The following TNFRSF10A variants were observed in gnomAD, a reference collection of about 807,000 sequenced individuals.
TNFRSF10A encodes the protein tumor necrosis factor receptor superfamily member 10A.
In TNFRSF10A, 44 loss-of-function variants were observed where a neutral mutation model predicts 42.8. The ratio of observed to expected loss-of-function variants is 1.03; its 90% CI spans 0.81 to 1.32. The LOEUF (loss-of-function observed/expected upper bound fraction) is 1.32. Among genes scored for constraint, TNFRSF10A ranks in the 40% most tolerant of loss-of-function variants. TNFRSF10A has a pLI of 0.00. For synonymous variants in TNFRSF10A, 259 were observed against 234.2 expected (o/e 1.11, Z -0.97); for missense variants, 680 against 602.0 (o/e 1.13, Z -1.36).
chr8:23,197,082 C>A (rs773451895), intron 9 of TNFRSF10A, 50 bp downstream of exon 9: 1 of 1,609,630 alleles, frequency 6.2e-7, no homozygotes, highest in African/African-American at 1.3e-5. Flanking sequence ...GTTAGGACAC[C>A]GTCCCTATTC....
rs900516762 is a variant in TNFRSF10A at position 23,190,844 on chromosome 8, C to T, written c.*850G>A. On this transcript the variant is annotated 3_prime_UTR_variant, in exon 10 of 10. Transcript: ENST00000221132. ...CCAAAAACCTAAGACCCAGGGAAGC[C>T]GATGGTGTAATTCTTAGTTCAAGGC... 2.0e-5 allele frequency: 3 copies of T among 152,154 alleles called. No homozygotes were observed. Among genetic ancestry groups the T allele is most frequent in the Non-Finnish European group, 4.4e-5 (3 of 68,070 alleles). 9.4% of individuals were successfully genotyped at this position (152,154 alleles called of 1,614,324 possible). A position where few individuals can be genotyped will look rare whatever the true frequency, so the allele number is the denominator to read the frequency against.
intron 4 of TNFRSF10A, among the ~76,000 whole-genome samples, chr8:23,201,372 C>T (rs2128847957): frequency 6.6e-6 from 1 of 152,270 alleles, no homozygotes; most frequent in East Asian, 1.9e-4. Context: ...GCATTTCTGT[C>T]TTCTTGAATT....
At chr8:23,212,249 C>T (rs747912070) in intron 1 of TNFRSF10A, 37 bp from the exon 2 acceptor site, 2 of 1,546,396 alleles carry the variant, frequency 1.3e-6, no homozygotes, top group Non-Finnish European at 1.8e-6. Context: ...TGAGTGGCTT[C>T]CAGATCTCAC....
chr8:23,225,009 G>T lies in TNFRSF10A; in HGVS notation c.53C>A (p.Pro18Gln). 2.5e-6 allele frequency: 4 copies of T among 1,586,686 alleles called. No homozygotes were observed. Among genetic ancestry groups the T allele is most frequent in the Non-Finnish European group, 3.4e-6 (4 of 1,165,230 alleles). Residue 18 changes from proline to glutamine, a missense_variant, in exon 1 of 10, where the codon CCG becomes CAG. Pro to Gln is a moderately conservative substitution (Grantham distance 76). Coordinates refer to ENST00000221132, the MANE Select transcript of TNFRSF10A (RefSeq NM_003844.4). ...VHLGAFLAVT[P>Q]NPGSAASGTE... is the part of the protein sequence containing the mutation. ...CCCACTCGCTGCGCTCCCGGGATTC[G>T]GAGTCACTGCCAGGAACGCACCTAG...
At chr8:23,202,320 G>C (rs931712588) in intron 3 of TNFRSF10A, among the ~76,000 whole-genome samples, 6 of 152,168 alleles carry the variant, frequency 3.9e-5, no homozygotes, top group Admixed American at 1.3e-4. Flanking sequence ...CTGAGAACCT[G>C]CCAGGAGCAC....
Position 23,201,875 on chromosome 8 carries a change from A to G in TNFRSF10A, c.562T>C (p.Cys188Arg), listed in dbSNP as rs1480108021. ...SPCTTTRNTA[C>R]QCKPGTFRND... is the part of the protein sequence containing the mutation. Reference sequence around the variant, plus strand: ...CGGAAAGTTCCTGGTTTGCACTGACATGCTGTGTTCCTGGTCGTGGTGCAG... The same window carrying G: ...CGGAAAGTTCCTGGTTTGCACTGACGTGCTGTGTTCCTGGTCGTGGTGCAG... Residue 188 changes from cysteine (C) to arginine (R), a missense_variant, in exon 4 of 10, where the codon TGT becomes CGT. Coordinates refer to ENST00000221132, the MANE Select transcript of TNFRSF10A (RefSeq NM_003844.4). 3 of 1,614,086 alleles carry G rather than the reference A, an allele frequency of 1.9e-6. No individual in the cohort carries two copies. The highest frequency in any genetic ancestry group is 1.3e-5 in the African/African-American group (1 of 74,934).
chr8:23,214,261 G>A lies in TNFRSF10A; in HGVS notation c.307-2049C>T, dbSNP rs1490241483. ...CCAGCACTTTGGGAGGCCGAGGCAG[G>A]CAGATCACGAAGTCAGGAGATCGAG... On this transcript the variant is annotated intron_variant, in intron 1 of 9. Coordinates refer to ENST00000221132, the MANE Select transcript of TNFRSF10A (RefSeq NM_003844.4). 2.6e-5 allele frequency among the ~76,000 whole-genome samples: 4 copies of A among 152,260 alleles called. No homozygotes were observed. In the Middle Eastern group the frequency reaches 0.01, roughly 388 times the overall value.
chr8:23,212,809 C>G (rs1181418990), intron 1 of TNFRSF10A, among the ~76,000 whole-genome samples: 1 of 152,218 alleles, frequency 6.6e-6, no homozygotes, highest in Non-Finnish European at 1.5e-5. Flanking sequence ...CAACAGCTAC[C>G]ATCCTACTCA....
intron 2 of TNFRSF10A, among the ~76,000 whole-genome samples, chr8:23,205,254 G>T (rs927667229): frequency 3.3e-5 from 5 of 152,102 alleles, no homozygotes; most frequent in Non-Finnish European, 7.4e-5. Flanking sequence ...GGTCAACAAT[G>T]AACCACATAT....
At chr8:23,199,585 A>AAGT in intron 7 of TNFRSF10A, 137 bp from the exon 8 acceptor site, 1 of 1,120,250 alleles carries the variant, frequency 8.9e-7, no homozygotes. Flanking sequence ...CACATCCAGG[A>AAGT]CCTGCTGCTG....
At chr8:23,206,508 T>C (rs938768336) in intron 2 of TNFRSF10A, among the ~76,000 whole-genome samples, 2 of 152,234 alleles carry the variant, frequency 1.3e-5, no homozygotes, top group African/African-American at 4.8e-5. Context: ...GTTACAATTG[T>C]CTACTAGTAC....
intron 9 of TNFRSF10A, 111 bp downstream of exon 9, chr8:23,197,021 G>C (rs553323082): frequency 1.4e-6 from 2 of 1,442,550 alleles, no homozygotes; most frequent in African/African-American, 2.8e-5. Context: ...AGGACCCCCA[G>C]TTTCTGGCAT....
At chr8:23,198,221 A>G (rs1029081201) in intron 8 of TNFRSF10A, among the ~76,000 whole-genome samples, 13 of 152,198 alleles carry the variant, frequency 8.5e-5, no homozygotes, top group Non-Finnish European at 1.6e-4. Context: ...AGAACAATTC[A>G]GGGAGTGCCT....
chr8:23,198,382 G>C (rs1441620007), intron 8 of TNFRSF10A, among the ~76,000 whole-genome samples: 1 of 152,118 alleles, frequency 6.6e-6, no homozygotes, highest in Non-Finnish European at 1.5e-5. Context: ...CAATGAAAAG[G>C]TAAAAGTATC....
intron 9 of TNFRSF10A, among the ~76,000 whole-genome samples, chr8:23,195,836 C>G (rs1016784838): frequency 6.6e-6 from 1 of 152,136 alleles, no homozygotes; most frequent in Non-Finnish European, 1.5e-5. Flanking sequence ...GTATGTGAAG[C>G]TTCCCATGAT....
At position 23,191,786 on chromosome 8, in the gene TNFRSF10A, G is replaced by C. The variant is rs770829928; in HGVS notation, c.1315C>G (p.His439Asp). The C allele has an allele frequency of 6.2e-7, 1 of 1,614,102 alleles. No individual in the cohort carries two copies. The highest frequency in any genetic ancestry group is 8.5e-7 in the Non-Finnish European group (1 of 1,180,016). ...AGGTCCTGAATCTTCTCTCTTGCATGTCTCTCTTCCATCCTCTCCAAGGCA... is the reference window on the plus strand; with the variant it reads ...AGGTCCTGAATCTTCTCTCTTGCATCTCTCTCTTCCATCCTCTCCAAGGCA... The part of the protein sequence containing the change: ...LDALERMEER[H>D]AREKIQDLLV... Residue 439 changes from histidine to aspartate, a missense_variant, in exon 10 of 10, where the codon CAT becomes GAT. By Grantham distance (81) the His-to-Asp change is moderately conservative. Coordinates refer to ENST00000221132, the MANE Select transcript of TNFRSF10A (RefSeq NM_003844.4).
chr8:23,197,199 C>G lies in TNFRSF10A; in HGVS notation c.1020G>C (p.Pro340=). ...SPGEAQCLLG[P]AEAEGSQRRR... ...TCCTCTGAGACCCTTCAGCTTCTGC[C>G]GGTCCCTGTAACACACAGTGGGGAA... Residue 340 remains proline (P), a synonymous_variant, in exon 9 of 10, where the codon CCG becomes CCC. Transcript: ENST00000221132. 1 of 1,614,120 alleles carries G rather than the reference C, an allele frequency of 6.2e-7. No homozygotes were observed. Among genetic ancestry groups the G allele is most frequent in the Non-Finnish European group, 8.5e-7 (1 of 1,179,988 alleles).
Position 23,202,653 on chromosome 8 carries a change from T to C in TNFRSF10A, c.512A>G (p.Lys171Arg), listed in dbSNP as rs1171311991. The change falls in exon 3 of 10, where the codon AAA becomes AGA. Residue 171 changes from lysine to arginine, a missense_variant. Coordinates refer to ENST00000221132, the MANE Select transcript of TNFRSF10A (RefSeq NM_003844.4). Reference sequence around the variant, plus strand: ...GAGGTCCACACATTCTGTACCTGATTTACAAGCTGTACATGGGAGGCAAGC... The same window carrying C: ...GAGGTCCACACATTCTGTACCTGATCTACAAGCTGTACATGGGAGGCAAGC... ...LFACLPCTAC[K>R]SDEEERSPCT... is the part of the protein sequence containing the mutation. 4.3e-6 allele frequency: 7 copies of C among 1,613,102 alleles called. No homozygotes were observed. Among genetic ancestry groups the C allele is most frequent in the Non-Finnish European group, 5.9e-6 (7 of 1,179,320 alleles).
intron 2 of TNFRSF10A, among the ~76,000 whole-genome samples, chr8:23,204,115 C>T (rs1032537384): frequency 3.9e-5 from 6 of 152,004 alleles, no homozygotes; most frequent in Non-Finnish European, 7.4e-5. Flanking sequence ...ATGATGATGA[C>T]ACTATCGATG....
Sources: gnomAD v4.1 joint callset for allele counts (sites outside exome capture counted in the v4.1 genomes callset) on GRCh38, gnomAD v4.1.1 for gene constraint, MANE v1.5 for transcripts, NCBI Gene and HGNC (gene_info 2026-07-23, HGNC 2026-07-21) for gene names.